ARHGAP5: variants seen among roughly 807,000 people sequenced by gnomAD.
The protein encoded by ARHGAP5 is Rho GTPase activating protein 5.
ARHGAP5 carries 23 observed loss-of-function variants against 116.6 expected under a neutral mutation model. The observed-to-expected ratio is 0.20, with a 90% CI of 0.14 to 0.28. ARHGAP5 has a LOEUF of 0.28. Ranked by LOEUF, ARHGAP5 falls within the 10% of genes least tolerant of loss-of-function variation. The probability of loss-of-function intolerance (pLI) is 1.00; values close to 1 mark genes in which losing one functional copy is unlikely to be tolerated. For missense variants in ARHGAP5, 1,405 were observed against 1,774.8 expected (o/e 0.79, Z 3.74); for synonymous variants, 574 against 602.0 (o/e 0.95, Z 0.68).
At chr14:32,124,609 G>A (rs1880051472) in intron 3 of ARHGAP5, among the ~76,000 whole-genome samples, 1 of 152,126 alleles carries the variant, frequency 6.6e-6, no homozygotes, top group African/African-American at 2.4e-5. Flanking sequence ...AGATTGCTCT[G>A]TTAGGGTGAC....
intron 3 of ARHGAP5, among the ~76,000 whole-genome samples, chr14:32,136,090 T>G (rs1415471026): frequency 6.6e-6 from 1 of 152,228 alleles, no homozygotes; most frequent in Non-Finnish European, 1.5e-5. Context: ...AGTTCTTGTT[T>G]TGTTTTTTTC....
intron 1 of ARHGAP5, among the ~76,000 whole-genome samples, chr14:32,089,556 C>G (rs1251278420): frequency 6.6e-6 from 1 of 151,788 alleles, no homozygotes; most frequent in Non-Finnish European, 1.5e-5. Context: ...AAATTTTATG[C>G]AATTCTTAAA....
intron 3 of ARHGAP5, among the ~76,000 whole-genome samples, chr14:32,133,114 T>C (rs1240757873): frequency 6.6e-6 from 1 of 152,248 alleles, no homozygotes; most frequent in Non-Finnish European, 1.5e-5. Context: ...TTTTTCCAAT[T>C]CTGTGAAGAA....
At chr14:32,132,182 C>G (rs1197094272) in intron 3 of ARHGAP5, among the ~76,000 whole-genome samples, 1 of 152,168 alleles carries the variant, frequency 6.6e-6, no homozygotes, top group African/African-American at 2.4e-5. Context: ...AATGGTTGAA[C>G]CAGTTTAGAG....
chr14:32,094,503 C>G, intron 2 of ARHGAP5, 117 bp downstream of exon 2: 1 of 723,816 alleles, frequency 1.4e-6, no homozygotes. Context: ...AATTAGTAGC[C>G]CTTTTTAATT....
At chr14:32,128,119 A>G (rs1475312586) in intron 3 of ARHGAP5, among the ~76,000 whole-genome samples, 2 of 149,260 alleles carry the variant, frequency 1.3e-5, no homozygotes. Flanking sequence ...CACATCCCAG[A>G]TGATGGGCGG....
intron 3 of ARHGAP5, among the ~76,000 whole-genome samples, chr14:32,130,621 A>G (rs998719849): frequency 6.6e-6 from 1 of 151,458 alleles, no homozygotes; most frequent in African/African-American, 2.4e-5. Flanking sequence ...GCTCACTGCA[A>G]CCTCCGCCTC....
intron 1 of ARHGAP5, among the ~76,000 whole-genome samples, chr14:32,077,646 G>C (rs1044561864): frequency 1.3e-5 from 2 of 152,096 alleles, no homozygotes; most frequent in African/African-American, 4.8e-5. Flanking sequence ...TACGTTCGGC[G>C]TGAAGGGCAG....
intron 2 of ARHGAP5, 60 bp downstream of exon 2, chr14:32,094,446 T>C: frequency 1.6e-6 from 2 of 1,260,466 alleles, no homozygotes; most frequent in Non-Finnish European, 2.2e-6. Context: ...TTTTTTAAAA[T>C]ACTGACATCA....
In ARHGAP5 at chr14:32,077,353, G is replaced by GCGA. The variant is rs1461007981; in HGVS notation, c.-249_-248insACG. 1 of 697,774 alleles carries GCGA rather than the reference G, an allele frequency of 1.4e-6. No individual in the cohort carries two copies. The highest frequency in any genetic ancestry group is 1.8e-5 in the African/African-American group (1 of 56,696). 43.2% of individuals were successfully genotyped at this position (697,774 alleles called of 1,614,324 possible). On this transcript the variant is annotated 5_prime_UTR_variant, in exon 1 of 7. Transcript: ENST00000345122. ...GGAGGAGGAGGCGGCGGCGGCGGGAGCGGTCCCCAGGAATGTCGCTGCCGC... is the reference window on the plus strand; with the variant it reads ...GGAGGAGGAGGCGGCGGCGGCGGGAGCGACGGTCCCCAGGAATGTCGCTGCCGC...
rs1881906498 is a variant in ARHGAP5, at chr14:32,156,638, AAAAT to A, written c.*1691_*1694del. On this transcript the variant is annotated 3_prime_UTR_variant, in exon 7 of 7. Coordinates refer to ENST00000345122, the MANE Select transcript of ARHGAP5 (RefSeq NM_001030055.2). ...AAGAAAGTACAGTAATTTTTAAAAA[AAAAT>A]CCGGTAAATGTAGTATTCTTAACCT... 6.6e-6 allele frequency: 1 copy of A among 152,398 alleles called. No homozygotes were observed. Among genetic ancestry groups the A allele is most frequent in the South Asian group, 2.1e-4 (1 of 4,832 alleles). 9.4% of individuals were successfully genotyped at this position (152,398 alleles called of 1,614,324 possible).
chr14:32,097,656 A>G (rs767505093), intron 2 of ARHGAP5, among the ~76,000 whole-genome samples: 6 of 152,184 alleles, frequency 3.9e-5, no homozygotes, highest in Non-Finnish European at 8.8e-5. Context: ...AGTGCTGGAA[A>G]GGAAGAAACA....
intron 4 of ARHGAP5, among the ~76,000 whole-genome samples, chr14:32,148,192 A>ATCTATCTC (rs1881478008): frequency 6.6e-6 from 1 of 151,724 alleles, no homozygotes; most frequent in Non-Finnish European, 1.5e-5. Flanking sequence ...CTATCTATCT[A>ATCTATCTC]TCTATCTATC....
At chr14:32,094,657 G>A (rs1878435128) in intron 2 of ARHGAP5, among the ~76,000 whole-genome samples, 1 of 151,906 alleles carries the variant, frequency 6.6e-6, no homozygotes, top group Non-Finnish European at 1.5e-5. Context: ...AAGTGATTTT[G>A]TTCTTAATTT....
chr14:32,109,742 C>G (rs1879193220), intron 2 of ARHGAP5, among the ~76,000 whole-genome samples: 1 of 151,920 alleles, frequency 6.6e-6, no homozygotes, highest in African/African-American at 2.4e-5. Flanking sequence ...TACATATTTG[C>G]AAACTTTTTA....
intron 1 of ARHGAP5, among the ~76,000 whole-genome samples, chr14:32,088,411 A>G (rs934368717): frequency 4.6e-5 from 7 of 151,944 alleles, no homozygotes; most frequent in Non-Finnish European, 7.4e-5. Context: ...TGTGTTTTCA[A>G]TATTTTCCTT....
intron 1 of ARHGAP5, among the ~76,000 whole-genome samples, chr14:32,086,994 T>A (rs2041836036): frequency 6.6e-6 from 1 of 152,148 alleles, no homozygotes; most frequent in African/African-American, 2.4e-5. Flanking sequence ...TGTCTTGGTT[T>A]CTTCATCAGT....
chr14:32,105,173 G>C (rs1304343343), intron 2 of ARHGAP5, among the ~76,000 whole-genome samples: 1 of 152,098 alleles, frequency 6.6e-6, no homozygotes, highest in East Asian at 1.9e-4. Flanking sequence ...AGGCATGTTT[G>C]TATCTGTTCA....
chr14:32,156,641 A>T lies in ARHGAP5; in HGVS notation c.*1693A>T, dbSNP rs973441662. ...AAAGTACAGTAATTTTTAAAAAAAA[A>T]TCCGGTAAATGTAGTATTCTTAACC... is the stretch of plus-strand genomic sequence containing the variant. On this transcript the variant is annotated 3_prime_UTR_variant, in exon 7 of 7. Transcript: ENST00000345122. The T allele has an allele frequency of 6.6e-6, 1 of 152,376 alleles. No individual in the cohort carries two copies. Among genetic ancestry groups the T allele is most frequent in the Non-Finnish European group, 1.5e-5 (1 of 67,812 alleles). The allele number at this position is 152,376 out of a possible 1,614,324, so 9.4% of individuals were successfully genotyped here.
Sources: gnomAD v4.1 joint callset for allele counts (sites outside exome capture counted in the v4.1 genomes callset) on GRCh38, gnomAD v4.1.1 for gene constraint, MANE v1.5 for transcripts, NCBI Gene and HGNC (gene_info 2026-07-23, HGNC 2026-07-21) for gene names.